SLC28A2: variants seen among roughly 807,000 people sequenced by gnomAD.
SLC28A2 encodes sodium/nucleoside cotransporter 2.
SLC28A2 carries 69 observed loss-of-function variants against 72.9 expected under a neutral mutation model. The ratio of observed to expected loss-of-function variants is 0.95; its 90% CI spans 0.78 to 1.16. SLC28A2 has a LOEUF of 1.16. Among genes scored for constraint, SLC28A2 ranks in the 50% most tolerant of loss-of-function variants. The probability of loss-of-function intolerance (pLI) is 0.00; values close to 1 mark genes in which losing one functional copy is unlikely to be tolerated. For missense variants in SLC28A2, 745 were observed against 791.1 expected, an observed-to-expected ratio of 0.94 and a Z score of 0.70; for synonymous variants, 296 against 294.1, an observed-to-expected ratio of 1.01 and a Z score of -0.07.
Position 45,267,778 on chromosome 15 carries a change from G to T in SLC28A2, c.1181G>T (p.Gly394Val). 1 of 1,614,050 alleles carries T rather than the reference G, an allele frequency of 6.2e-7. No individual in the cohort carries two copies. The change falls in exon 12 of 18, where the codon GGG (glycine) becomes GTG (valine). Residue 394 changes from glycine (G) to valine (V), a missense_variant. By Grantham distance (109) the Gly-to-Val change is moderately radical. Coordinates refer to ENST00000347644, the MANE Select transcript of SLC28A2 (RefSeq NM_004212.4). ...GAGTCCAAGTTCAAGAGTGAGGAGGGGGTAAAGCTGCCCCGTGGGTGAGTC... is the reference window on the plus strand; with the variant it reads ...GAGTCCAAGTTCAAGAGTGAGGAGGTGGTAAAGCTGCCCCGTGGGTGAGTC... ...VEESKFKSEE[G>V]VKLPRGKERN...
intron 16 of SLC28A2, 122 bp from the exon 17 acceptor site, chr15:45,272,551 T>TGGGTAAA: frequency 1.2e-6 from 1 of 818,278 alleles, no homozygotes; most frequent in Non-Finnish European, 2.0e-6. Flanking sequence ...TACCCATGCA[T>TGGGTAAA]TCCACAGATA....
intron 17 of SLC28A2, 64 bp from the exon 18 acceptor site, chr15:45,275,332 T>G: frequency 2.1e-6 from 2 of 935,484 alleles, no homozygotes; most frequent in Non-Finnish European, 1.7e-6. Context: ...TATAACTTAT[T>G]GATATGTTTT....
At chr15:45,263,672 T>C (rs957561093) in intron 5 of SLC28A2, among the ~76,000 whole-genome samples, 4 of 152,224 alleles carry the variant, frequency 2.6e-5, no homozygotes, top group African/African-American at 9.6e-5. Context: ...CACCCACTGG[T>C]GCCTTTTAAA....
chr15:45,254,058 G>A (rs1160304559), intron 3 of SLC28A2: 1 of 152,274 alleles, frequency 6.6e-6, no homozygotes, highest in Non-Finnish European at 1.5e-5. Flanking sequence ...ATGTGAACAG[G>A]GGTCTAGGAA....
chr15:45,253,420 C>T lies in SLC28A2; in HGVS notation c.82-12C>T. 1 of 1,610,326 alleles carries T rather than the reference C, an allele frequency of 6.2e-7. No homozygotes were observed. The highest frequency in any genetic ancestry group is 8.5e-7 in the Non-Finnish European group (1 of 1,176,576). On this transcript the variant is annotated splice_polypyrimidine_tract_variant and intron_variant, in intron 2 of 17. Transcript: ENST00000347644. ...GCTCCATGACTGATCCCAATGCTCT[C>T]TGTGCTTGTAGGAAAAAGAAGTAGA...
At chr15:45,262,971 C>G in intron 4 of SLC28A2, 90 bp from the exon 5 acceptor site, 1 of 1,149,476 alleles carries the variant, frequency 8.7e-7, no homozygotes, top group East Asian at 2.4e-5. Context: ...GTTTTTCTTG[C>G]TCTAAGTCCC....
At chr15:45,273,004 GGAA>G (rs1900634299) in intron 17 of SLC28A2, among the ~76,000 whole-genome samples, 1 of 152,138 alleles carries the variant, frequency 6.6e-6, no homozygotes, top group African/African-American at 2.4e-5. Flanking sequence ...GAGCAGCAAA[GGAA>G]GAAGAAAAAT....
At chr15:45,270,669 G>A (rs912865213) in intron 15 of SLC28A2, among the ~76,000 whole-genome samples, 4 of 151,284 alleles carry the variant, frequency 2.6e-5, no homozygotes, top group African/African-American at 7.3e-5. Context: ...ACTCTGTTGC[G>A]CAGGCTGGAG....
At chr15:45,274,936 C>G (rs919720176) in intron 17 of SLC28A2, among the ~76,000 whole-genome samples, 9 of 152,108 alleles carry the variant, frequency 5.9e-5, no homozygotes, top group Admixed American at 4.6e-4. Flanking sequence ...ATCATGTTGC[C>G]TGATTCTTAT....
chr15:45,270,874 G>A (rs1595681959), intron 15 of SLC28A2, among the ~76,000 whole-genome samples: 2 of 152,238 alleles, frequency 1.3e-5, no homozygotes, highest in East Asian at 1.9e-4. Flanking sequence ...CTGGCCTCAA[G>A]TGATCTGCTG....
Position 45,272,393 on chromosome 15 carries a change from G to C in SLC28A2, c.1747G>C (p.Gly583Arg). The C allele has an allele frequency of 6.2e-7, 1 of 1,609,816 alleles. No homozygotes were observed. Among genetic ancestry groups the C allele is most frequent in the Middle Eastern group, 1.7e-4 (1 of 6,048 alleles). ...ATCCCTTATCAGTGCCTGTATGGCA[G>C]GTAGGTGCCTCAGCTCTGATGGAGA... ...CVSLISACMA[G>R]ILYVPRGAEA... The change falls in exon 16 of 18, where the codon GGA (glycine) becomes CGA (arginine). Residue 583 changes from glycine (G) to arginine (R), a missense_variant and splice_region_variant. Gly to Arg is a moderately radical substitution (Grantham distance 125). Coordinates refer to ENST00000347644, the MANE Select transcript of SLC28A2 (RefSeq NM_004212.4).
intron 14 of SLC28A2, 49 bp from the exon 15 acceptor site, chr15:45,270,146 G>A (rs776054412): frequency 1.7e-5 from 21 of 1,235,794 alleles, no homozygotes; most frequent in African/African-American, 3.0e-5. Flanking sequence ...TTATAAGACC[G>A]CACGCATGGG....
At chr15:45,261,838 T>C (rs1900172931) in intron 3 of SLC28A2, among the ~76,000 whole-genome samples, 177 bp from the exon 4 acceptor site, 1 of 152,166 alleles carries the variant, frequency 6.6e-6, no homozygotes, top group South Asian at 2.1e-4. Context: ...ACCAGCAAGG[T>C]TTGATTTGCC....
In SLC28A2 at chr15:45,263,862, C is replaced by A. The variant is rs1305044247; in HGVS notation, c.447-19C>A. 4 of 1,596,874 alleles carry A rather than the reference C, an allele frequency of 2.5e-6. No homozygotes were observed. Among genetic ancestry groups the A allele is most frequent in the Non-Finnish European group, 3.4e-6 (4 of 1,170,552 alleles). Reference sequence around the variant, plus strand: ...TCATTCACTGGGTTGATGACATGGTCTTGGCATTCCTTCTTCAGGGTGTTT... The same window carrying A: ...TCATTCACTGGGTTGATGACATGGTATTGGCATTCCTTCTTCAGGGTGTTT... On this transcript the variant is annotated intron_variant, in intron 5 of 17. Transcript: ENST00000347644.
chr15:45,272,921 G>A (rs1345897512), intron 17 of SLC28A2, 137 bp downstream of exon 17: 10 of 582,016 alleles, frequency 1.7e-5, no homozygotes, highest in Non-Finnish European at 3.1e-5. Context: ...TCTCTTATTG[G>A]GTGCATCTTC....
intron 8 of SLC28A2, 121 bp downstream of exon 8, chr15:45,265,287 G>A: frequency 2.7e-6 from 2 of 747,708 alleles, no homozygotes; most frequent in South Asian, 2.9e-5. Context: ...CCTAACAAGA[G>A]GGTTTAACCC....
At chr15:45,270,551 G>T (rs1748087066) in intron 15 of SLC28A2, among the ~76,000 whole-genome samples, 1 of 152,010 alleles carries the variant, frequency 6.6e-6, no homozygotes, top group South Asian at 2.1e-4. Context: ...CTATGAGGAA[G>T]AAAATATAAT....
Position 45,267,440 on chromosome 15 carries a change from T to C in SLC28A2, c.943-15T>C, listed in dbSNP as rs773777496. The stretch of plus-strand genomic sequence containing the variant: ...ACACCTTCTTGGAATCTGACTGTTT[T>C]CTCCGTGTTTGTAGACAGAGGCACC... On this transcript the variant is annotated splice_polypyrimidine_tract_variant and intron_variant, in intron 10 of 17. Coordinates refer to ENST00000347644, the MANE Select transcript of SLC28A2 (RefSeq NM_004212.4). The C allele has an allele frequency of 3.7e-6, 6 of 1,614,024 alleles. No individual in the cohort carries two copies. The East Asian group carries it at 1.1e-4, about 30-fold the overall frequency.
At chr15:45,265,745 G>A (rs1179456824) in intron 9 of SLC28A2, 82 bp downstream of exon 9, 31 of 939,302 alleles carry the variant, frequency 3.3e-5, no homozygotes, top group Non-Finnish European at 5.3e-5. Flanking sequence ...CATAGCTAAG[G>A]TCTAGAGTGT....
Sources: gnomAD v4.1 joint callset for allele counts (sites outside exome capture counted in the v4.1 genomes callset) on GRCh38, gnomAD v4.1.1 for gene constraint, MANE v1.5 for transcripts, NCBI Gene and HGNC (gene_info 2026-07-23, HGNC 2026-07-21) for gene names.